Variants in LAMB1 observed in about 807,000 individuals in gnomAD.
The protein encoded by LAMB1 is laminin subunit beta-1.
In LAMB1, 121 loss-of-function variants were observed where a neutral mutation model predicts 222.3. The observed-to-expected ratio is 0.54, with a 90% CI of 0.47 to 0.63. The LOEUF (loss-of-function observed/expected upper bound fraction) is 0.63. Among genes scored for constraint, LAMB1 ranks in the 30% least tolerant of loss-of-function variants. LAMB1 has a pLI of 0.00. For synonymous variants in LAMB1, 794 were observed against 807.2 expected, an observed-to-expected ratio of 0.98 and a Z score of 0.28; for missense variants, 2,172 against 2,240.8, an observed-to-expected ratio of 0.97 and a Z score of 0.62.
chr7:107,972,383 A>G (rs934107629), intron 13 of LAMB1, among the ~76,000 whole-genome samples: 9 of 152,194 alleles, frequency 5.9e-5, no homozygotes, highest in African/African-American at 2.2e-4. Context: ...TCTGTTCCAG[A>G]TGTTCTGACT....
chr7:107,987,105 A>T (rs780781305), intron 5 of LAMB1, among the ~76,000 whole-genome samples: 3 of 152,228 alleles, frequency 2.0e-5, no homozygotes, highest in African/African-American at 4.8e-5. Flanking sequence ...CATGCTGTGA[A>T]ATATTACTCA....
intron 15 of LAMB1, 128 bp from the exon 16 acceptor site, chr7:107,961,804 T>A: frequency 9.3e-7 from 1 of 1,073,992 alleles, no homozygotes; most frequent in Non-Finnish European, 1.3e-6. Context: ...CTTTTCTCTT[T>A]ACTACTACCT....
intron 24 of LAMB1, among the ~76,000 whole-genome samples, chr7:107,949,319 G>T (rs888411336): frequency 6.6e-6 from 1 of 152,232 alleles, no homozygotes; most frequent in Admixed American, 6.5e-5. Context: ...GGCCTTTCCT[G>T]CTAACAAAGC....
chr7:107,992,121 G>C (rs1006822901), intron 5 of LAMB1, among the ~76,000 whole-genome samples: 1 of 152,042 alleles, frequency 6.6e-6, no homozygotes, highest in African/African-American at 2.4e-5. Flanking sequence ...CCCACCACCA[G>C]TGCCTTGCTC....
chr7:107,940,866 C>T (rs986534697), intron 24 of LAMB1, among the ~76,000 whole-genome samples: 1 of 152,212 alleles, frequency 6.6e-6, no homozygotes, highest in Non-Finnish European at 1.5e-5. Context: ...GATAATGTGC[C>T]ACCTGGCATC....
chr7:107,963,136 C>T, intron 14 of LAMB1, 73 bp from the exon 15 acceptor site: 1 of 1,370,608 alleles, frequency 7.3e-7, no homozygotes, highest in Non-Finnish European at 1.0e-6. Context: ...TCAAAGTAAT[C>T]CGAAGTCACC....
In LAMB1 at chr7:107,940,109, C is replaced by G; in HGVS notation, c.3641G>C (p.Gly1214Ala). The G allele has an allele frequency of 1.2e-6, 2 of 1,614,136 alleles. No individual in the cohort carries two copies. Among genetic ancestry groups the G allele is most frequent in the Non-Finnish European group, 1.7e-6 (2 of 1,180,024 alleles). Reference protein sequence around the residue: ...AKALKISGVIGPYRETVDSVE... With the variant: ...AKALKISGVIAPYRETVDSVE... ...CGAGTCCACAGTCTCACGGTAAGGCCCGATCACACCACTGATCTTCAAGGC... is the reference window on the plus strand; with the variant it reads ...CGAGTCCACAGTCTCACGGTAAGGCGCGATCACACCACTGATCTTCAAGGC... The change falls in exon 25 of 34, where the codon GGG becomes GCG. Residue 1214 changes from glycine (G) to alanine (A), a missense_variant. By Grantham distance (60) the Gly-to-Ala change is moderately conservative (BLOSUM62 0). Transcript: ENST00000222399.
Position 107,979,800 on chromosome 7 carries a change from G to A in LAMB1, c.879+809C>T, listed in dbSNP as rs1290005605. On this transcript the variant is annotated intron_variant, in intron 8 of 33. Transcript: ENST00000222399. ...AAAATTTTCCAGCCGTGGGCAGGGC[G>A]CATTGGCTCACGCCTGTAATTCCAG... Among the ~76,000 whole-genome samples, 2 of 152,218 alleles carry A rather than the reference G, an allele frequency of 1.3e-5. 1 individual carries two copies. Among genetic ancestry groups the A allele is most frequent in the Non-Finnish European group, 2.9e-5 (2 of 68,034 alleles).
intron 5 of LAMB1, 108 bp downstream of exon 5, chr7:107,994,778 TA>T: frequency 1.7e-6 from 1 of 581,786 alleles, no homozygotes; most frequent in Non-Finnish European, 3.1e-6. Context: ...ATGGCAACAA[TA>T]ATATTTAAGT....
At chr7:107,962,795 T>G (rs898496711) in intron 15 of LAMB1, 110 bp downstream of exon 15, 9 of 845,916 alleles carry the variant, frequency 1.1e-5, no homozygotes, top group East Asian at 2.5e-5. Flanking sequence ...TCTGATCTGT[T>G]CTAATGCAAC....
chr7:107,938,878 T>G (rs2116348667), intron 25 of LAMB1, among the ~76,000 whole-genome samples: 1 of 152,324 alleles, frequency 6.6e-6, no homozygotes, highest in South Asian at 2.1e-4. Flanking sequence ...GTCCAGTTAC[T>G]TTAAATCTAG....
At chr7:107,986,454 G>T in intron 5 of LAMB1, 91 bp from the exon 6 acceptor site, 3 of 1,052,682 alleles carry the variant, frequency 2.8e-6, no homozygotes, top group Non-Finnish European at 2.8e-6. Flanking sequence ...TCAACTGCAT[G>T]CCACAAACTT....
chr7:107,963,145 C>T (rs368160637), intron 14 of LAMB1, 82 bp from the exon 15 acceptor site: 4 of 1,321,394 alleles, frequency 3.0e-6, no homozygotes, highest in East Asian at 2.4e-5. Context: ...TCCGAAGTCA[C>T]CCAAAGATTC....
chr7:107,952,084 CCAGGTATTGGGCG>C lies in LAMB1; in HGVS notation c.3206_3218del (p.Ala1069GlyfsTer116). On this transcript the variant is annotated frameshift_variant, in exon 23 of 34. Transcript: ENST00000222399. LOFTEE classifies it high-confidence loss of function. ...CACAGCCAGTGCCACTGGCCAGCTGCCAGGTATTGGGCGCACAGCGGTCACAGTTCTGCCCGAT... is the reference window on the plus strand; with the variant it reads ...CACAGCCAGTGCCACTGGCCAGCTGCCACAGCGGTCACAGTTCTGCCCGAT... The C allele has an allele frequency of 6.2e-7, 1 of 1,614,126 alleles. No individual in the cohort carries two copies. Among genetic ancestry groups the C allele is most frequent in the Non-Finnish European group, 8.5e-7 (1 of 1,180,004 alleles).
At chr7:107,974,349 CTG>C (rs952549250) in intron 12 of LAMB1, among the ~76,000 whole-genome samples, 1 of 148,384 alleles carries the variant, frequency 6.7e-6, no homozygotes, top group Non-Finnish European at 1.5e-5. Context: ...TATTCATATC[CTG>C]TGTGTGTTTT....
intron 5 of LAMB1, among the ~76,000 whole-genome samples, chr7:107,990,022 T>C (rs1470639975): frequency 6.6e-5 from 8 of 122,004 alleles, no homozygotes; most frequent in Non-Finnish European, 1.9e-5. Context: ...CTATGAGTTT[T>C]TTGTGTTTTT....
At chr7:107,950,651 C>T (rs1276796176) in intron 24 of LAMB1, among the ~76,000 whole-genome samples, 2 of 152,118 alleles carry the variant, frequency 1.3e-5, no homozygotes, top group African/African-American at 2.4e-5. Flanking sequence ...TTGTTGTGCA[C>T]GAAGTCTCCA....
At chr7:108,002,653 G>GTCCGCGGCGC (rs2034413884) in intron 2 of LAMB1, among the ~76,000 whole-genome samples, 196 bp downstream of exon 2, 1 of 152,218 alleles carries the variant, frequency 6.6e-6, no homozygotes, top group South Asian at 2.1e-4. Context: ...GGGGATGAGG[G>GTCCGCGGCGC]TCCGCGGCGC....
intron 22 of LAMB1, among the ~76,000 whole-genome samples, chr7:107,952,697 G>C (rs756632124): frequency 1.3e-5 from 2 of 152,174 alleles, no homozygotes; most frequent in Non-Finnish European, 2.9e-5. Context: ...ACACATGTTT[G>C]TATAAACAAA....
Sources: gnomAD v4.1 joint callset for allele counts (sites outside exome capture counted in the v4.1 genomes callset) on GRCh38, gnomAD v4.1.1 for gene constraint, MANE v1.5 for transcripts, NCBI Gene and HGNC (gene_info 2026-07-23, HGNC 2026-07-21) for gene names.